Variants in RSL1D1 observed in about 807,000 individuals in gnomAD.
The protein encoded by RSL1D1 is ribosomal L1 domain containing 1.
A neutral mutation model predicts 44.6 loss-of-function variants in RSL1D1; 34 were observed. That is an observed-to-expected ratio of 0.76 (90% CI 0.58 to 1.02). The LOEUF is 1.02. Ranked by LOEUF, RSL1D1 falls within the 50% of genes least tolerant of loss-of-function variation. The pLI is 0.00. For synonymous variants in RSL1D1, 271 were observed against 207.4 expected (o/e 1.31, Z -2.63); for missense variants, 767 against 568.1 (o/e 1.35, Z -3.56).
At chr16:11,850,598 T>A (rs1478995753) in intron 1 of RSL1D1, among the ~76,000 whole-genome samples, 180 bp from the exon 2 acceptor site, 1 of 152,172 alleles carries the variant, frequency 6.6e-6, no homozygotes, top group South Asian at 2.1e-4. Flanking sequence ...CTGCAGTTTA[T>A]ATTCACAGAA....
intron 3 of RSL1D1, chr16:11,847,465 G>T: frequency 2.0e-6 from 1 of 505,312 alleles, no homozygotes; most frequent in Non-Finnish European, 3.5e-6. Flanking sequence ...ACAAGATGCT[G>T]TGGAAGTACA....
intron 3 of RSL1D1, 64 bp downstream of exon 3, chr16:11,847,604 G>C: frequency 7.5e-7 from 1 of 1,327,722 alleles, no homozygotes; most frequent in Non-Finnish European, 1.1e-6. Flanking sequence ...CAATGTATTT[G>C]TGATACCATT....
chr16:11,849,509 C>G (rs1000066587), intron 2 of RSL1D1: 1 of 152,042 alleles, frequency 6.6e-6, no homozygotes, highest in Non-Finnish European at 1.5e-5. Context: ...GGGTTTAACT[C>G]ATTTCTTATG....
chr16:11,834,928 CA>C lies in RSL1D1; in HGVS notation c.*2858del, dbSNP rs1041193602. The C allele has an allele frequency of 3.9e-5, 6 of 152,092 alleles. No individual in the cohort carries two copies. The highest frequency in any genetic ancestry group is 8.8e-5 in the Non-Finnish European group (6 of 68,032). The allele number at this position is 152,092 out of a possible 1,614,324, so 9.4% of individuals were successfully genotyped here. A position where few individuals can be genotyped will look rare whatever the true frequency, so the allele number is the denominator to read the frequency against. The stretch of plus-strand genomic sequence containing the variant: ...GAGTTCGAGCCCAGCCTAGGGAACA[CA>C]GGGAAAACCCATCTCTACGCAAGAC... On this transcript the variant is annotated 3_prime_UTR_variant, in exon 9 of 9. Transcript: ENST00000571133.
chr16:11,850,059 T>G (rs1185541236), intron 2 of RSL1D1, among the ~76,000 whole-genome samples: 1 of 152,150 alleles, frequency 6.6e-6, no homozygotes, highest in African/African-American at 2.4e-5. Context: ...ACTCCCGACC[T>G]CAGGTGATCC....
chr16:11,838,510 AACCCCCAAAAGGTAC>A (rs2053738172), intron 8 of RSL1D1, among the ~76,000 whole-genome samples: 1 of 151,974 alleles, frequency 6.6e-6, no homozygotes, highest in Non-Finnish European at 1.5e-5. Context: ...TTTATTAGTT[AACCCCCAAAAGGTAC>A]ACCTCAGTAT....
At chr16:11,847,149 G>A (rs1464395366) in intron 3 of RSL1D1, among the ~76,000 whole-genome samples, 1 of 152,142 alleles carries the variant, frequency 6.6e-6, no homozygotes, top group Non-Finnish European at 1.5e-5. Context: ...GCCGAGGTGG[G>A]TGGATCACCT....
At chr16:11,838,336 T>C (rs2053736931) in intron 8 of RSL1D1, among the ~76,000 whole-genome samples, 2 of 151,946 alleles carry the variant, frequency 1.3e-5, no homozygotes, top group South Asian at 2.1e-4. Flanking sequence ...TCATTTTTTG[T>C]ATTTTTAGTA....
At position 11,839,758 on chromosome 16, in the gene RSL1D1, G is replaced by C. The variant is rs144452977; in HGVS notation, c.1083C>G (p.Ser361=). ...GTACCAGCTGTGGGATTTCGTCTTC[G>C]GATTCATTTGTTGCTTTAACTTGGG... The part of the protein sequence containing the change: ...GKAQVKATNE[S]EDEIPQLVPI... The change falls in exon 8 of 9, where the codon TCC becomes TCG. Residue 361 remains serine, a synonymous_variant. Coordinates refer to ENST00000571133, the MANE Select transcript of RSL1D1 (RefSeq NM_015659.3). 3.1e-6 allele frequency: 5 copies of C among 1,613,836 alleles called. No individual in the cohort carries two copies. Among genetic ancestry groups the C allele is most frequent in the Non-Finnish European group, 4.2e-6 (5 of 1,180,010 alleles).
intron 7 of RSL1D1, among the ~76,000 whole-genome samples, chr16:11,840,794 A>G (rs2053759712): frequency 6.6e-6 from 1 of 152,118 alleles, no homozygotes; most frequent in Non-Finnish European, 1.5e-5. Context: ...GGTGTGTTGA[A>G]GTTATCCCAG....
intron 8 of RSL1D1, among the ~76,000 whole-genome samples, chr16:11,838,319 G>A (rs887779619): frequency 6.6e-6 from 1 of 151,788 alleles, no homozygotes; most frequent in Admixed American, 6.6e-5. Flanking sequence ...GTGCCACCAC[G>A]CCCGGCTCAT....
chr16:11,851,332 T>G lies in RSL1D1; in HGVS notation c.105+76A>C, dbSNP rs563204211. 104 of 1,394,462 alleles carry G rather than the reference T, an allele frequency of 7.5e-5. No homozygotes were observed. In the South Asian group the frequency reaches 1.1e-3, roughly 15 times the overall value. 86.4% of individuals were successfully genotyped at this position (1,394,462 alleles called of 1,614,324 possible). A position where few individuals can be genotyped will look rare whatever the true frequency, so the allele number is the denominator to read the frequency against. On this transcript the variant is annotated intron_variant, in intron 1 of 8. Transcript: ENST00000571133. Reference sequence around the variant, plus strand: ...CCGGGGAAGTCCGCCGAGCACGCACTCGGGTTCCGGCACCCTGCGCCTCAC... The same window carrying G: ...CCGGGGAAGTCCGCCGAGCACGCACGCGGGTTCCGGCACCCTGCGCCTCAC...
chr16:11,833,912 T>G lies in RSL1D1; in HGVS notation c.*3875A>C, dbSNP rs2053700760. 1 of 152,156 alleles carries G rather than the reference T, an allele frequency of 6.6e-6. No individual in the cohort carries two copies. Among genetic ancestry groups the G allele is most frequent in the African/African-American group, 2.4e-5 (1 of 41,420 alleles). The allele number at this position is 152,156 out of a possible 1,614,324, so 9.4% of individuals were successfully genotyped here. A position where few individuals can be genotyped will look rare whatever the true frequency, so the allele number is the denominator to read the frequency against. ...AAAAAACAAATGAACTAAAACTCAA[T>G]TACTTCCTTCAGAACAAAAACGTTA... On this transcript the variant is annotated 3_prime_UTR_variant, in exon 9 of 9. Coordinates refer to ENST00000571133, the MANE Select transcript of RSL1D1 (RefSeq NM_015659.3).
At chr16:11,847,556 A>C in intron 3 of RSL1D1, 112 bp downstream of exon 3, 1 of 960,054 alleles carries the variant, frequency 1.0e-6, no homozygotes, top group South Asian at 1.6e-5. Context: ...AATTAAATTA[A>C]AAAGAGAAAA....
At position 11,846,413 on chromosome 16, in the gene RSL1D1, CAAAAAA is replaced by C. The variant is rs2053798864; in HGVS notation, c.635+82_635+87del. 5 of 745,094 alleles carry C rather than the reference CAAAAAA, an allele frequency of 6.7e-6. No individual in the cohort carries two copies. The South Asian group carries it at 9.7e-5, about 14-fold the overall frequency. 46.2% of individuals were successfully genotyped at this position (745,094 alleles called of 1,614,324 possible). On this transcript the variant is annotated intron_variant, in intron 5 of 8. Transcript: ENST00000571133. ...CCATCTCAAAAAAAAAAAACAAAAA[CAAAAAA>C]CAAAACAAAACGAATAAGTATATAT... is the stretch of plus-strand genomic sequence containing the variant.
intron 7 of RSL1D1, among the ~76,000 whole-genome samples, chr16:11,840,958 T>C (rs2053760605): frequency 1.3e-5 from 2 of 152,202 alleles, no homozygotes. Context: ...GGGTAAATAA[T>C]TATGTCAATT....
chr16:11,841,293 G>A (rs2053762242), intron 7 of RSL1D1: 1 of 161,600 alleles, frequency 6.2e-6, no homozygotes, highest in African/African-American at 2.4e-5. Context: ...TGCCTGCAGT[G>A]CCAGCTACTC....
intron 1 of RSL1D1, chr16:11,851,103 TGCAAAACTAAGCGATTCGGTCAA>T: frequency 2.3e-6 from 1 of 444,186 alleles, no homozygotes; most frequent in South Asian, 2.1e-5. Flanking sequence ...GTAACAGACC[TGCAAAACTAAGCGATTCGGTCAA>T]GCGCTAATGA....
At chr16:11,847,600 A>G in intron 3 of RSL1D1, 68 bp downstream of exon 3, 1 of 1,299,896 alleles carries the variant, frequency 7.7e-7, no homozygotes, top group Non-Finnish European at 1.1e-6. Flanking sequence ...ATAGCAATGT[A>G]TTTGTGATAC....
Sources: allele counts gnomAD v4.1 joint callset (sites outside exome capture counted in the v4.1 genomes callset), GRCh38; gene constraint gnomAD v4.1.1; transcripts MANE v1.5; gene names NCBI Gene and HGNC (gene_info 2026-07-23, HGNC 2026-07-21).